PIK3R3: variants seen among roughly 807,000 people sequenced by gnomAD.
PIK3R3 encodes the protein phosphatidylinositol 3-kinase regulatory subunit gamma.
A neutral mutation model predicts 62.9 loss-of-function variants in PIK3R3; 64 were observed. That is an observed-to-expected ratio of 1.02 (90% CI 0.83 to 1.25). The LOEUF (loss-of-function observed/expected upper bound fraction) is 1.25, where lower values mean the gene tolerates loss of function less well. Among genes scored for constraint, PIK3R3 ranks in the 50% most tolerant of loss-of-function variants. The pLI is 0.00. For synonymous variants in PIK3R3, 165 were observed against 189.0 expected, an observed-to-expected ratio of 0.87 and a Z score of 1.04; for missense variants, 614 against 561.6, an observed-to-expected ratio of 1.09 and a Z score of -0.94.
At chr1:46,165,751 C>CTTTTTT in the PIK3R3 span, among the ~76,000 whole-genome samples, 66 of 39,554 alleles carry the variant, frequency 1.7e-3, 25 homozygotes, top group East Asian at 4.1e-3. Context: ...CTGCTTTGTC[C>CTTTTTT]TTTTTTTTTT....
upstream of PIK3R3, chr1:46,132,871 G>A (rs1375854873): frequency 1.5e-5 from 18 of 1,194,340 alleles, no homozygotes; most frequent in Non-Finnish European, 1.8e-5. Context: ...CTAGGCTTCG[G>A]CTCCCCAATC....
the PIK3R3 span, among the ~76,000 whole-genome samples, chr1:46,170,513 C>A: frequency 7.9e-5 from 12 of 152,148 alleles, no homozygotes; most frequent in African/African-American, 2.9e-4. Context: ...CTCTGCCTCC[C>A]AGGTTCAAGC....
intron 1 of PIK3R3, among the ~76,000 whole-genome samples, chr1:46,098,925 C>A (rs2149438977): frequency 6.6e-6 from 1 of 152,136 alleles, no homozygotes; most frequent in Non-Finnish European, 1.5e-5. Context: ...TGGTCTTGAA[C>A]TCCTGGCTTC....
chr1:46,051,628 T>C (rs1241986878), intron 7 of PIK3R3, among the ~76,000 whole-genome samples: 1 of 152,132 alleles, frequency 6.6e-6, no homozygotes, highest in Non-Finnish European at 1.5e-5. Context: ...ATCAATTCCC[T>C]AAGCAGAATA....
At chr1:46,050,196 A>T (rs1056835986) in intron 7 of PIK3R3, among the ~76,000 whole-genome samples, 1 of 152,182 alleles carries the variant, frequency 6.6e-6, no homozygotes, top group Non-Finnish European at 1.5e-5. Context: ...TTCTCTACAT[A>T]AAAACAAAGT....
At position 46,105,163 on chromosome 1, in the gene PIK3R3, G is replaced by C; in HGVS notation, c.107-24413C>G. 3 of 650,118 alleles carry C rather than the reference G, an allele frequency of 4.6e-6. No homozygotes were observed. In the Admixed American group the frequency reaches 6.5e-5, roughly 14 times the overall value. 40.3% of individuals were successfully genotyped at this position (650,118 alleles called of 1,614,324 possible). A position where few individuals can be genotyped will look rare whatever the true frequency, so the allele number is the denominator to read the frequency against. On this transcript the variant is annotated intron_variant, in intron 1 of 9. Coordinates refer to ENST00000262741, the MANE Select transcript of PIK3R3 (RefSeq NM_003629.4). ...ATGGGAGAGTCACTCCGAAGGAATG[G>C]AGAGATCAGTAATCATCCCAGCTGG... is the stretch of plus-strand genomic sequence containing the variant.
the PIK3R3 span, among the ~76,000 whole-genome samples, chr1:46,162,802 T>C: frequency 6.6e-6 from 1 of 152,138 alleles, no homozygotes; most frequent in African/African-American, 2.4e-5. Context: ...TTTGTATTTT[T>C]AGTAGAGATG....
chr1:46,099,983 T>C (rs1652500125), intron 1 of PIK3R3, among the ~76,000 whole-genome samples: 1 of 152,256 alleles, frequency 6.6e-6, no homozygotes, highest in East Asian at 1.9e-4. Context: ...TTTCATCTTC[T>C]ATGAATTTCC....
chr1:46,120,685 T>C (rs943146047), intron 1 of PIK3R3, among the ~76,000 whole-genome samples: 2 of 152,220 alleles, frequency 1.3e-5, no homozygotes, highest in African/African-American at 4.8e-5. Flanking sequence ...TGAAGAGAGT[T>C]ATGGTTTTCC....
intron 1 of PIK3R3, among the ~76,000 whole-genome samples, chr1:46,111,333 T>C (rs974327005): frequency 6.6e-6 from 1 of 152,086 alleles, no homozygotes; most frequent in Non-Finnish European, 1.5e-5. Context: ...TACTTCTTCC[T>C]CTCAAGGCAG....
At position 46,080,808 on chromosome 1, in the gene PIK3R3, C is replaced by T. The variant is rs146325444; in HGVS notation, c.107-58G>A. ...TAAATTATTTACTGTTTTCTAATTT[C>T]CTCAGGAGCAGCTCACTAACCAAGG... On this transcript the variant is annotated intron_variant, in intron 1 of 9. Transcript: ENST00000262741. 1.1e-3 allele frequency: 1,294 copies of T among 1,171,410 alleles called. 1 individual carries two copies. Among genetic ancestry groups the T allele is most frequent in the Non-Finnish European group, 1.5e-3 (1,176 of 786,336 alleles). The allele number at this position is 1,171,410 out of a possible 1,614,324, so 72.6% of individuals were successfully genotyped here. A position where few individuals can be genotyped will look rare whatever the true frequency, so the allele number is the denominator to read the frequency against.
At chr1:46,090,316 AT>A (rs1167961840) in intron 1 of PIK3R3, among the ~76,000 whole-genome samples, 3 of 24,852 alleles carry the variant, frequency 1.2e-4, no homozygotes, top group Non-Finnish European at 4.6e-4. Flanking sequence ...AGTCTTTTTT[AT>A]TTATTTATTT....
At chr1:46,173,004 A>G in the PIK3R3 span, among the ~76,000 whole-genome samples, 1,044 of 152,212 alleles carry the variant, frequency 6.9e-3, 18 homozygotes, top group East Asian at 0.046. Flanking sequence ...AAAAAAAAAG[A>G]AAAGAAAAAA....
upstream of PIK3R3, chr1:46,134,676 C>T (rs939330495): frequency 6.6e-6 from 1 of 152,156 alleles, no homozygotes; most frequent in African/African-American, 2.4e-5. Context: ...TATTTTTGTT[C>T]ACGGGTGTTC....
chr1:46,071,440 A>G (rs1300109615), intron 3 of PIK3R3, among the ~76,000 whole-genome samples: 1 of 151,730 alleles, frequency 6.6e-6, no homozygotes, highest in Non-Finnish European at 1.5e-5. Context: ...TCACGCCTAT[A>G]ATCCCAGCAT....
the PIK3R3 span, among the ~76,000 whole-genome samples, chr1:46,174,765 TC>T: frequency 1.3e-5 from 2 of 152,134 alleles, no homozygotes; most frequent in African/African-American, 4.8e-5. Context: ...CTCCCTACTT[TC>T]TGGGCTCAAA....
At chr1:46,165,523 C>T in the PIK3R3 span, among the ~76,000 whole-genome samples, 1 of 151,516 alleles carries the variant, frequency 6.6e-6, no homozygotes, top group Non-Finnish European at 1.5e-5. Context: ...TCAGGCTGGT[C>T]TCGAACTCCC....
chr1:46,163,714 G>T, the PIK3R3 span, among the ~76,000 whole-genome samples: 7 of 152,136 alleles, frequency 4.6e-5, no homozygotes, highest in Non-Finnish European at 7.3e-5. Flanking sequence ...TCTTAGAGCA[G>T]ATGTCACCAT....
intron 1 of PIK3R3, among the ~76,000 whole-genome samples, chr1:46,098,684 A>C (rs529902071): frequency 1.3e-4 from 20 of 152,268 alleles, no homozygotes; most frequent in African/African-American, 3.9e-4. Context: ...CCACAGACTG[A>C]GGCTAAGAAG....
Sources: allele counts gnomAD v4.1 joint callset (sites outside exome capture counted in the v4.1 genomes callset), GRCh38; gene constraint gnomAD v4.1.1; transcripts MANE v1.5; gene names NCBI Gene and HGNC (gene_info 2026-07-23, HGNC 2026-07-21).